Variants in PHF24 observed in about 807,000 individuals in gnomAD.
PHF24 encodes PHD finger protein 24, also known as Galpha inhibitory interacting protein.
PHF24 carries 25 observed loss-of-function variants against 42.6 expected under a neutral mutation model. That is an observed-to-expected ratio of 0.59 (90% CI 0.43 to 0.82). The LOEUF (loss-of-function observed/expected upper bound fraction) is 0.82, where lower values mean the gene tolerates loss of function less well. PHF24 is among the 40% of genes least tolerant of loss of function. PHF24 has a pLI of 0.00. For synonymous variants in PHF24, 185 were observed against 204.8 expected (o/e 0.90, Z 0.83); for missense variants, 470 against 538.1 (o/e 0.87, Z 1.25).
chr9:34,925,405 A>T, the PHF24 span, among the ~76,000 whole-genome samples: 553 of 152,292 alleles, frequency 3.6e-3, 1 homozygote, highest in South Asian at 0.027. Flanking sequence ...CTTCCAAGAC[A>T]TGGGAAGTTT....
At chr9:34,915,780 C>T in the PHF24 span, among the ~76,000 whole-genome samples, 76,305 of 151,900 alleles carry the variant, frequency 0.5, 19,304 homozygotes, top group South Asian at 0.7. Context: ...TGATTGGATT[C>T]GTCCTCTTAG....
the PHF24 span, among the ~76,000 whole-genome samples, chr9:34,802,694 G>A: frequency 0.33 from 49,589 of 152,050 alleles, 8,689 homozygotes; most frequent in East Asian, 0.56. Flanking sequence ...ACAATCTGAA[G>A]AGGCTGCTCA....
the PHF24 span, among the ~76,000 whole-genome samples, chr9:34,920,229 T>C: frequency 3.9e-5 from 6 of 152,188 alleles, no homozygotes; most frequent in Non-Finnish European, 2.9e-5. Context: ...TTATTGCCTG[T>C]CTTTTAGATA....
chr9:34,683,111 A>T, the PHF24 span, among the ~76,000 whole-genome samples: 1 of 150,830 alleles, frequency 6.6e-6, no homozygotes, highest in African/African-American at 2.4e-5. Context: ...CCCAGGCTGG[A>T]GTGCAATGGC....
the PHF24 span, chr9:34,922,312 C>G: frequency 6.3e-7 from 1 of 1,590,336 alleles, no homozygotes; most frequent in Non-Finnish European, 8.6e-7. Flanking sequence ...CTTAATGTAT[C>G]AAGTTCAGCA....
chr9:34,777,466 G>A, the PHF24 span, among the ~76,000 whole-genome samples: 2 of 152,138 alleles, frequency 1.3e-5, no homozygotes, highest in Non-Finnish European at 2.9e-5. Context: ...TGGCTAGGGC[G>A]AGGGCAGTGA....
At chr9:34,934,632 A>C in the PHF24 span, among the ~76,000 whole-genome samples, 4 of 151,958 alleles carry the variant, frequency 2.6e-5, no homozygotes, top group African/African-American at 9.7e-5. Context: ...ACTCTCAAAC[A>C]AAATTGGGCA....
chr9:34,887,597 C>T, the PHF24 span, among the ~76,000 whole-genome samples: 3 of 152,148 alleles, frequency 2.0e-5, no homozygotes, highest in Non-Finnish European at 4.4e-5. Flanking sequence ...CGTTTACCCA[C>T]GTGGTTTACT....
the PHF24 span, among the ~76,000 whole-genome samples, chr9:34,869,289 C>G: frequency 6.6e-6 from 1 of 152,168 alleles, no homozygotes; most frequent in Non-Finnish European, 1.5e-5. Flanking sequence ...ATTGCTGGAT[C>G]AGATGGTATT....
At chr9:34,804,815 T>G in the PHF24 span, among the ~76,000 whole-genome samples, 1 of 152,340 alleles carries the variant, frequency 6.6e-6, no homozygotes, top group African/African-American at 2.4e-5. Context: ...TCATTACAGT[T>G]TTAGAACATT....
chr9:34,913,944 A>AG, the PHF24 span, among the ~76,000 whole-genome samples: 1 of 152,204 alleles, frequency 6.6e-6, no homozygotes, highest in African/African-American at 2.4e-5. Flanking sequence ...GAGGAGATTT[A>AG]GGTGTCTATT....
At chr9:34,875,946 ACACACTCTCTCTCTCTCTCTCT>A in the PHF24 span, among the ~76,000 whole-genome samples, 61 of 89,078 alleles carry the variant, frequency 6.8e-4, no homozygotes, top group Middle Eastern at 5.1e-3. Flanking sequence ...ACACACACAC[ACACACTCTCTCTCTCTCTCTCT>A]CTCTCTCTCT....
the PHF24 span, among the ~76,000 whole-genome samples, chr9:34,739,727 A>G: frequency 7.9e-5 from 12 of 152,248 alleles, no homozygotes; most frequent in African/African-American, 2.6e-4. Context: ...AGCAAGAGTT[A>G]TTGCAAAGAG....
At chr9:34,801,292 C>G in the PHF24 span, among the ~76,000 whole-genome samples, 1 of 152,188 alleles carries the variant, frequency 6.6e-6, no homozygotes, top group African/African-American at 2.4e-5. Flanking sequence ...AATCCCATTA[C>G]TGGGTACACT....
At chr9:34,855,022 T>C in the PHF24 span, among the ~76,000 whole-genome samples, 11 of 152,200 alleles carry the variant, frequency 7.2e-5, no homozygotes, top group Admixed American at 2.0e-4. Context: ...TGCTTTACCA[T>C]ATGTAATACC....
the PHF24 span, among the ~76,000 whole-genome samples, chr9:34,730,381 T>C: frequency 2.0e-5 from 3 of 150,200 alleles, no homozygotes; most frequent in Admixed American, 6.7e-5. Flanking sequence ...ATTCCTGAAT[T>C]TCCTTGAGAG....
At chr9:34,905,870 CTG>C in the PHF24 span, among the ~76,000 whole-genome samples, 2 of 152,286 alleles carry the variant, frequency 1.3e-5, no homozygotes, top group African/African-American at 4.8e-5. Context: ...CGTGTGGAAA[CTG>C]GGGTTGTGGA....
upstream of PHF24, chr9:34,958,220 C>CG (rs1563923983): frequency 1.5e-4 from 24 of 158,540 alleles, no homozygotes; most frequent in East Asian, 3.5e-4. This position sits in a 1 kb window ranked among gnomAD's most constrained non-coding sequence, Gnocchi z 4.5. Context: ...TGTGCTCCGG[C>CG]CGCGCGCGCC....
the PHF24 span, among the ~76,000 whole-genome samples, chr9:34,829,375 C>A: frequency 1.3e-5 from 2 of 152,170 alleles, no homozygotes; most frequent in East Asian, 3.9e-4. Context: ...GTTGATTAGG[C>A]AATTTGAACC....
Sources: allele counts gnomAD v4.1 joint callset (sites outside exome capture counted in the v4.1 genomes callset), GRCh38; gene constraint gnomAD v4.1.1; non-coding constraint Gnocchi (gnomAD v3.1); transcripts MANE v1.5; gene names NCBI Gene and HGNC (gene_info 2026-07-23, HGNC 2026-07-21).